CAPS2: variants seen among roughly 807,000 people sequenced by gnomAD.
CAPS2 encodes calcyphosin-2.
CAPS2 carries 98 observed loss-of-function variants against 86.5 expected under a neutral mutation model. The ratio of observed to expected loss-of-function variants is 1.13; its 90% CI spans 0.96 to 1.34. The LOEUF is 1.34. Among genes scored for constraint, CAPS2 ranks in the 40% most tolerant of loss-of-function variants. The pLI is 0.00. For missense variants in CAPS2, 729 were observed against 686.8 expected (o/e 1.06, Z -0.69); for synonymous variants, 210 against 225.1 (o/e 0.93, Z 0.60).
exon 17 of CAPS2, chr12:75,278,964 A>G (rs1487868632): frequency 3.1e-6 from 5 of 1,611,134 alleles, no homozygotes; most frequent in Admixed American, 1.7e-5. Flanking sequence ...AAACCTTCAT[A>G]GTAATCTTCA....
rs1002082884 is a variant in CAPS2, at chr12:75,390,813, A to T, written c.-395+25T>A. Reference sequence around the variant, plus strand: ...ATTCGGGATAACATTTCACTACATTAGTTTAGTGAAAAGGGCTTACTCACG... The same window carrying T: ...ATTCGGGATAACATTTCACTACATTTGTTTAGTGAAAAGGGCTTACTCACG... On this transcript the variant is annotated intron_variant, in intron 1 of 5. Coordinates refer to the CAPS2 transcript ENST00000551829. 7 of 580,990 alleles carry T rather than the reference A, an allele frequency of 1.2e-5. No homozygotes were observed. In the Admixed American group the frequency reaches 1.5e-4, roughly 13 times the overall value. 36.0% of individuals were successfully genotyped at this position (580,990 alleles called of 1,614,324 possible). A position where few individuals can be genotyped will look rare whatever the true frequency, so the allele number is the denominator to read the frequency against.
chr12:75,342,747 A>T (rs1487153325), intron 1 of CAPS2, among the ~76,000 whole-genome samples: 1 of 152,192 alleles, frequency 6.6e-6, no homozygotes, highest in Non-Finnish European at 1.5e-5. Context: ...ATTAGAAATA[A>T]AATTATATGT....
chr12:75,335,325 T>C (rs185267066), intron 1 of CAPS2, among the ~76,000 whole-genome samples: 151 of 152,222 alleles, frequency 9.9e-4, no homozygotes, highest in South Asian at 5.2e-3. Flanking sequence ...ATCATATGAA[T>C]CCAAGATCAA....
intron 1 of CAPS2, among the ~76,000 whole-genome samples, chr12:75,383,691 TAA>T (rs1455948920): frequency 1.3e-5 from 2 of 152,146 alleles, no homozygotes; most frequent in Admixed American, 6.5e-5. Context: ...CTGGATGTAA[TAA>T]GACGTCTATA....
upstream of CAPS2, chr12:75,329,696 G>T: frequency 1.8e-6 from 1 of 567,132 alleles, no homozygotes; most frequent in Non-Finnish European, 2.9e-6. Flanking sequence ...CCAAGTCTAT[G>T]TTGATCCCAG....
intron 6 of CAPS2, among the ~76,000 whole-genome samples, chr12:75,316,010 C>CT (rs886386418): frequency 1.1e-4 from 16 of 152,020 alleles, no homozygotes; most frequent in African/African-American, 3.6e-4. Flanking sequence ...AACCAGGCTG[C>CT]TTTTTTGGGG....
At chr12:75,290,586 C>A (rs1357689114) in intron 13 of CAPS2, among the ~76,000 whole-genome samples, 1 of 152,008 alleles carries the variant, frequency 6.6e-6, no homozygotes, top group East Asian at 1.9e-4. Context: ...TACTGTGAGC[C>A]CCTTATCTTT....
At chr12:75,297,352 A>G (rs2037083439) in intron 11 of CAPS2, among the ~76,000 whole-genome samples, 1 of 152,194 alleles carries the variant, frequency 6.6e-6, no homozygotes, top group African/African-American at 2.4e-5. Flanking sequence ...GTATTTAAGT[A>G]TAAGATGTAA....
At chr12:75,276,018 G>T, downstream of CAPS2, 1 of 476,976 alleles carries the variant, frequency 2.1e-6, no homozygotes, top group Non-Finnish European at 3.6e-6. Context: ...GTACATCCAA[G>T]AAATCAGTTT....
chr12:75,294,994 T>G (rs1483322312), intron 11 of CAPS2: 1 of 152,098 alleles, frequency 6.6e-6, no homozygotes, highest in East Asian at 1.9e-4. Context: ...AGGTTGTAAA[T>G]GAATGGGCCT....
In CAPS2 at chr12:75,298,920, G is replaced by A. The variant is rs202140699; in HGVS notation, c.901C>T (p.His301Tyr). ...TCATAAATTGTAAGGGATTGGTCAT[G>A]AGTGAAAAAGAACCCAATGAGCTCT... Residue 301 changes from histidine (H) to tyrosine (Y), a missense_variant, in exon 10 of 17, where the codon CAT becomes TAT. Coordinates refer to ENST00000393284, the Ensembl canonical transcript of CAPS2. The A allele has an allele frequency of 2.9e-5, 46 of 1,610,202 alleles. No homozygotes were observed. Among genetic ancestry groups the A allele is most frequent in the Middle Eastern group, 3.3e-4 (2 of 6,034 alleles).
At chr12:75,334,461 G>A, upstream of CAPS2, 1 of 1,269,168 alleles carries the variant, frequency 7.9e-7, no homozygotes. Context: ...TGGATCCACA[G>A]AAAGCAGTTT....
chr12:75,371,498 C>T (rs769263295), intron 1 of CAPS2: 1 of 342,060 alleles, frequency 2.9e-6, no homozygotes, highest in South Asian at 2.2e-5. Context: ...ATAAAGTTGA[C>T]AATATTAACC....
At chr12:75,377,335 T>C (rs976198851) in intron 1 of CAPS2, among the ~76,000 whole-genome samples, 1 of 152,116 alleles carries the variant, frequency 6.6e-6, no homozygotes, top group African/African-American at 2.4e-5. Flanking sequence ...TGTGCATATA[T>C]GGAAGGGGTT....
chr12:75,341,301 G>A (rs1030752444), intron 1 of CAPS2, among the ~76,000 whole-genome samples: 8 of 152,166 alleles, frequency 5.3e-5, no homozygotes, highest in Admixed American at 2.6e-4. Flanking sequence ...TCTATACCAT[G>A]GAATATGACT....
At chr12:75,276,161 T>C, downstream of CAPS2, 1 of 1,510,900 alleles carries the variant, frequency 6.6e-7, no homozygotes, top group Non-Finnish European at 8.8e-7. Context: ...GCTTGGCTTA[T>C]TTTATATATG....
rs542041982 is a variant in CAPS2 at position 75,346,445 on chromosome 12, C to T, written c.-394-23223G>A. Among the ~76,000 whole-genome samples the T allele has an allele frequency of 2.6e-5, 4 of 151,776 alleles. No individual in the cohort carries two copies. The South Asian group carries it at 8.3e-4, about 32-fold the overall frequency. ...TCGCCCTGTAACCCAGACTGGAGTA[C>T]AGTGGCGTGATCTCAACTCACTGCA... On this transcript the variant is annotated intron_variant, in intron 1 of 5. Transcript: ENST00000551829.
chr12:75,315,757 C>T (rs2039692839), intron 6 of CAPS2, among the ~76,000 whole-genome samples: 1 of 152,068 alleles, frequency 6.6e-6, no homozygotes, highest in African/African-American at 2.4e-5. Flanking sequence ...TCAGTGACCT[C>T]CAACTCCAAG....
chr12:75,282,386 G>T, intron 15 of CAPS2, 39 bp from the exon 16 acceptor site: 1 of 1,358,092 alleles, frequency 7.4e-7, no homozygotes, highest in Non-Finnish European at 1.1e-6. Context: ...TTTGTTGGTT[G>T]GTTGTTTTGC....
Sources: gnomAD v4.1 joint callset for allele counts (sites outside exome capture counted in the v4.1 genomes callset) on GRCh38, gnomAD v4.1.1 for gene constraint, MANE v1.5 for transcripts, NCBI Gene and HGNC (gene_info 2026-07-23, HGNC 2026-07-21) for gene names.